The following CIZ1 variants were observed in gnomAD, a reference collection of about 807,000 sequenced individuals.
The protein encoded by CIZ1 is CDKN1A interacting zinc finger protein 1.
CIZ1 carries 58 observed loss-of-function variants against 118.6 expected under a neutral mutation model. The ratio of observed to expected loss-of-function variants is 0.49; its 90% CI spans 0.40 to 0.61. The LOEUF is 0.61. Among genes scored for constraint, CIZ1 ranks in the 20% least tolerant of loss-of-function variants. The pLI is 0.00. For synonymous variants in CIZ1, 448 were observed against 443.4 expected (o/e 1.01, Z -0.13); for missense variants, 921 against 1,115.9 (o/e 0.83, Z 2.49).
In CIZ1 at chr9:128,203,506, G is replaced by C. The variant is rs1436655401; in HGVS notation, c.-6+680C>G. ...GCGGCATGGAAGATCTCATCCCGCT[G>C]GTCAACCGGCTGCAAGACGCCTTCT... On this transcript the variant is annotated intron_variant, in intron 1 of 17. Transcript: ENST00000372948. The surrounding 1 kb of genome is among the most constrained non-coding windows in gnomAD (Gnocchi z 5.3). 1 of 1,537,794 alleles carries C rather than the reference G, an allele frequency of 6.5e-7. No homozygotes were observed. Among genetic ancestry groups the C allele is most frequent in the Non-Finnish European group, 8.7e-7 (1 of 1,145,596 alleles).
At chr9:128,194,429 G>A (rs1403212892), upstream of CIZ1, among the ~76,000 whole-genome samples, 10 of 150,350 alleles carry the variant, frequency 6.7e-5, no homozygotes, top group East Asian at 2.0e-3. Context: ...ACCATTTGTA[G>A]GAGTCTAGCC....
At chr9:128,169,980 C>G (rs750511565) in intron 12 of CIZ1, 40 bp downstream of exon 12, 13 of 1,551,078 alleles carry the variant, frequency 8.4e-6, no homozygotes, top group South Asian at 3.4e-5. Flanking sequence ...CACTTGCAGA[C>G]GGCAGTGCGG....
chr9:128,192,051 G>T, upstream of CIZ1: 3 of 661,598 alleles, frequency 4.5e-6, no homozygotes, highest in Non-Finnish European at 4.5e-6. Context: ...TTTCTCAGTA[G>T]ATTTGGCTAA....
intron 5 of CIZ1, among the ~76,000 whole-genome samples, chr9:128,183,957 G>A (rs1474097005): frequency 2.0e-5 from 3 of 152,114 alleles, no homozygotes; most frequent in Non-Finnish European, 4.4e-5. Flanking sequence ...TAGTAGAGAC[G>A]GGGTTTCACC....
intron 1 of CIZ1, 107 bp from the exon 2 acceptor site, chr9:128,190,969 A>C: frequency 7.1e-7 from 1 of 1,407,490 alleles, no homozygotes. Flanking sequence ...GAGACTGCTG[A>C]GGAGCTTCAC....
intron 11 of CIZ1, among the ~76,000 whole-genome samples, chr9:128,170,691 G>A (rs1830020912): frequency 6.6e-6 from 1 of 152,136 alleles, no homozygotes; most frequent in Non-Finnish European, 1.5e-5. Context: ...AATTGGTATT[G>A]AAAAGCATAG....
At chr9:128,189,086 C>T (rs1832810184) in intron 3 of CIZ1, among the ~76,000 whole-genome samples, 1 of 152,102 alleles carries the variant, frequency 6.6e-6, no homozygotes, top group Non-Finnish European at 1.5e-5. Flanking sequence ...CAGGTGTGAG[C>T]CACCACACCC....
chr9:128,169,662 T>G, intron 12 of CIZ1, 143 bp from the exon 13 acceptor site: 1 of 1,539,728 alleles, frequency 6.5e-7, no homozygotes, highest in Non-Finnish European at 8.7e-7. Flanking sequence ...ACCCCTGCAC[T>G]GGAACGTGGG....
intron 3 of CIZ1, 115 bp from the exon 4 acceptor site, chr9:128,188,049 C>CAAAAAAAA (rs34003070): frequency 0.011 from 245 of 22,276 alleles, 2 homozygotes; most frequent in African/African-American, 0.029. Flanking sequence ...CTTAAAACAG[C>CAAAAAAAA]AAAAAAAAAA....
Position 128,177,869 on chromosome 9 carries a change from A to G in CIZ1, c.1621-106T>C, listed in dbSNP as rs1831066312. The stretch of plus-strand genomic sequence containing the variant: ...TGTCTCATCAGATCTTCCTGATGAT[A>G]GGGAAACTGAGGCTCTGAGCTGTTA... On this transcript the variant is annotated intron_variant, in intron 9 of 16. Transcript: ENST00000372938. 9 of 773,814 alleles carry G rather than the reference A, an allele frequency of 1.2e-5. No homozygotes were observed. The South Asian group carries it at 1.5e-4, about 13-fold the overall frequency. The allele number at this position is 773,814 out of a possible 1,614,324, so 47.9% of individuals were successfully genotyped here.
chr9:128,192,374 A>AC (rs1833230474), upstream of CIZ1, among the ~76,000 whole-genome samples: 1 of 150,810 alleles, frequency 6.6e-6, no homozygotes, highest in Non-Finnish European at 1.5e-5. Context: ...GTCAAAAAAA[A>AC]AAAAGTAAAA....
intron 5 of CIZ1, among the ~76,000 whole-genome samples, chr9:128,182,524 T>G (rs1390088301): frequency 6.6e-6 from 1 of 152,154 alleles, no homozygotes; most frequent in African/African-American, 2.4e-5. Flanking sequence ...GCAGCCCTGG[T>G]GCACGCCTTA....
intron 1 of CIZ1, chr9:128,204,053 G>C (rs1251042506): frequency 6.5e-6 from 1 of 154,230 alleles, no homozygotes; most frequent in Non-Finnish European, 1.4e-5. Flanking sequence ...GGCTCAATGG[G>C]GGACATCCCC....
At chr9:128,173,849 A>G (rs1180787562) in intron 11 of CIZ1, among the ~76,000 whole-genome samples, 2 of 151,980 alleles carry the variant, frequency 1.3e-5, no homozygotes, top group Non-Finnish European at 2.9e-5. Context: ...TACTAAAAAT[A>G]CAAAAAATTA....
At chr9:128,176,516 C>T in intron 10 of CIZ1, 41 bp from the exon 11 acceptor site, 2 of 1,594,422 alleles carry the variant, frequency 1.3e-6, no homozygotes, top group South Asian at 1.1e-5. Flanking sequence ...GGGGCGTGAG[C>T]CCAGAACAGT....
At chr9:128,169,262 ACCCAC>A in intron 13 of CIZ1, 61 bp from the exon 14 acceptor site, 1 of 1,185,920 alleles carries the variant, frequency 8.4e-7, no homozygotes, top group Non-Finnish European at 1.2e-6. Context: ...GCCATGCCCT[ACCCAC>A]CCCACCCCTC....
At chr9:128,192,499 G>A (rs1401042866), upstream of CIZ1, among the ~76,000 whole-genome samples, 1 of 150,462 alleles carries the variant, frequency 6.6e-6, no homozygotes, top group South Asian at 2.1e-4. Flanking sequence ...TCCCCGCGCC[G>A]TAACAATCCT....
At chr9:128,195,400 C>A (rs370978361), upstream of CIZ1, among the ~76,000 whole-genome samples, 1 of 152,256 alleles carries the variant, frequency 6.6e-6, no homozygotes, top group South Asian at 2.1e-4. Flanking sequence ...TCACTGCAGT[C>A]TCTGCCTCCT....
At chr9:128,181,552 TAC>T (rs1473663718) in intron 5 of CIZ1, among the ~76,000 whole-genome samples, 1 of 152,202 alleles carries the variant, frequency 6.6e-6, no homozygotes, top group Non-Finnish European at 1.5e-5. Flanking sequence ...AACCAGGCCA[TAC>T]AGAGATAGGA....
Sources: gnomAD v4.1 joint callset for allele counts (sites outside exome capture counted in the v4.1 genomes callset) on GRCh38, gnomAD v4.1.1 for gene constraint, Gnocchi (gnomAD v3.1) non-coding constraint, MANE v1.5 for transcripts, NCBI Gene and HGNC (gene_info 2026-07-23, HGNC 2026-07-21) for gene names.